The following CYP2B6 variants were observed in gnomAD, a reference collection of about 807,000 sequenced individuals.
CYP2B6 encodes the protein cytochrome P450 family 2 subfamily B member 6, also known as cytochrome P450 2B6.
A neutral mutation model predicts 43.4 loss-of-function variants in CYP2B6; 35 were observed. That is an observed-to-expected ratio of 0.81 (90% CI 0.62 to 1.07). The LOEUF (loss-of-function observed/expected upper bound fraction) is 1.07. CYP2B6 is among the 50% of genes least tolerant of loss of function. CYP2B6 has a pLI of 0.00. For missense variants in CYP2B6, 624 were observed against 632.8 expected (o/e 0.99, Z 0.15); for synonymous variants, 239 against 239.2 (o/e 1.00, Z 0.01).
chr19:41,012,659 G>A lies in CYP2B6; in HGVS notation c.1153-15G>A, dbSNP rs370464706. Reference sequence around the variant, plus strand: ...GGGAATGGCAATATCTTTTGATCTTGTGATCCTCCCTCAGGACACAGAAGT... The same window carrying A: ...GGGAATGGCAATATCTTTTGATCTTATGATCCTCCCTCAGGACACAGAAGT... On this transcript the variant is annotated splice_polypyrimidine_tract_variant and intron_variant, in intron 7 of 8. Transcript: ENST00000324071. 15 of 1,613,476 alleles carry A rather than the reference G, an allele frequency of 9.3e-6. No individual in the cohort carries two copies. The highest frequency in any genetic ancestry group is 1.2e-5 in the Non-Finnish European group (14 of 1,179,932).
intron 3 of CYP2B6, among the ~76,000 whole-genome samples, chr19:41,004,758 G>A (rs1037107372): frequency 1.3e-5 from 2 of 152,096 alleles, no homozygotes; most frequent in African/African-American, 4.8e-5. Flanking sequence ...GGAAGCTCAG[G>A]CAGGAGGATT....
rs1969248750 is a variant in CYP2B6, at chr19:41,009,740, C to CT, written c.823-254_823-253insT. Reference sequence around the variant, plus strand: ...AAAAACTCACAGAGGCAGAAAGAGACGGGGACAAAAAGAGAGAAACACATC... The same window carrying CT: ...AAAAACTCACAGAGGCAGAAAGAGACTGGGGACAAAAAGAGAGAAACACATC... On this transcript the variant is annotated intron_variant, in intron 5 of 8. Transcript: ENST00000324071. 7 of 596,052 alleles carry CT rather than the reference C, an allele frequency of 1.2e-5. No individual in the cohort carries two copies. The South Asian group carries it at 1.4e-4, about 12-fold the overall frequency. 36.9% of individuals were successfully genotyped at this position (596,052 alleles called of 1,614,324 possible).
intron 4 of CYP2B6, 35 bp downstream of exon 4, chr19:41,007,100 G>A (rs377462519): frequency 7.8e-5 from 125 of 1,607,264 alleles, no homozygotes; most frequent in Non-Finnish European, 1.0e-4. Context: ...GGGTGTGGGG[G>A]TGAGGTGAAC....
At chr19:41,007,504 C>T (rs192541945) in intron 4 of CYP2B6, 66 of 177,642 alleles carry the variant, frequency 3.7e-4, no homozygotes, top group Non-Finnish European at 6.8e-4. Context: ...TTCATTCCAG[C>T]TGGGGTGTAG....
intron 1 of CYP2B6, among the ~76,000 whole-genome samples, chr19:40,999,915 A>T (rs2144662854): frequency 6.6e-6 from 1 of 152,108 alleles, no homozygotes; most frequent in African/African-American, 2.4e-5. Flanking sequence ...GCTGGTCTCG[A>T]ACTCCTGGAC....
At chr19:40,993,184 A>G (rs946236800) in intron 1 of CYP2B6, among the ~76,000 whole-genome samples, 3 of 152,154 alleles carry the variant, frequency 2.0e-5, no homozygotes, top group Admixed American at 6.5e-5. Context: ...TTGGCCTGGT[A>G]ACATATAGTA....
chr19:40,995,352 C>T (rs1051146810), intron 1 of CYP2B6, among the ~76,000 whole-genome samples: 3 of 152,182 alleles, frequency 2.0e-5, no homozygotes, highest in African/African-American at 7.2e-5. Flanking sequence ...ATCCAAGATC[C>T]GAGACCCTGA....
At chr19:41,006,504 C>T (rs1969189489) in intron 3 of CYP2B6, among the ~76,000 whole-genome samples, 1 of 151,802 alleles carries the variant, frequency 6.6e-6, no homozygotes, top group Non-Finnish European at 1.5e-5. Flanking sequence ...CTCTGCCCAG[C>T]CCCTATCCCT....
intron 6 of CYP2B6, among the ~76,000 whole-genome samples, chr19:41,011,208 T>A (rs1568562632): frequency 6.6e-6 from 1 of 152,228 alleles, no homozygotes; most frequent in African/African-American, 2.4e-5. Context: ...AATTCACCCT[T>A]AATCCATCCG....
chr19:41,011,502 C>A (rs555376772), intron 6 of CYP2B6, among the ~76,000 whole-genome samples: 204 of 152,302 alleles, frequency 1.3e-3, no homozygotes, highest in African/African-American at 4.7e-3. Context: ...ATTCATCAAT[C>A]TTTCCATCCA....
In CYP2B6 at chr19:41,010,409, G is replaced by T. The variant is rs575164004; in HGVS notation, c.964+274G>T. ...TTGTTTGTTTGTTTTTTGTTTTTTG[G>T]TTTTTTTTTTTTTGTCTTTTTTGAG... On this transcript the variant is annotated intron_variant, in intron 6 of 8. Coordinates refer to ENST00000324071, the MANE Select transcript of CYP2B6 (RefSeq NM_000767.5). Among the ~76,000 whole-genome samples, 226 of 140,960 alleles carry T rather than the reference G, an allele frequency of 1.6e-3. 1 individual carries two copies. The highest frequency in any genetic ancestry group is 3.3e-3 in the African/African-American group (127 of 38,646). 92.5% of individuals were successfully genotyped at this position (140,960 alleles called of 152,430 possible). A position where few individuals can be genotyped will look rare whatever the true frequency, so the allele number is the denominator to read the frequency against.
chr19:41,001,555 G>A (rs1214868668), intron 1 of CYP2B6, among the ~76,000 whole-genome samples: 1 of 152,140 alleles, frequency 6.6e-6, no homozygotes, highest in Admixed American at 6.5e-5. Flanking sequence ...TCTTCCGTCA[G>A]TTAAGATCAT....
intron 1 of CYP2B6, among the ~76,000 whole-genome samples, chr19:41,000,031 C>T (rs1969059717): frequency 6.6e-6 from 1 of 152,102 alleles, no homozygotes; most frequent in Admixed American, 6.6e-5. Context: ...TCCATTTTCT[C>T]ACAGGGAGGA....
chr19:41,012,869 C>T, intron 8 of CYP2B6, 54 bp downstream of exon 8: 2 of 1,596,950 alleles, frequency 1.3e-6, no homozygotes, highest in South Asian at 1.1e-5. Flanking sequence ...GTACTATCCC[C>T]AACTTGAGAA....
chr19:40,994,305 A>G (rs1383288866), intron 1 of CYP2B6, among the ~76,000 whole-genome samples: 1 of 152,240 alleles, frequency 6.6e-6, no homozygotes, highest in Non-Finnish European at 1.5e-5. Flanking sequence ...GCAAACCTCA[A>G]GATACTCAAG....
At position 40,998,166 on chromosome 19, in the gene CYP2B6, G is replaced by T. The variant is rs143885299; in HGVS notation, c.172-5835G>T. ...TAGGAACGTGTGTATAGGTTTAAATGCTGGTCAAAGACATCCTACACAATT... is the reference window on the plus strand; with the variant it reads ...TAGGAACGTGTGTATAGGTTTAAATTCTGGTCAAAGACATCCTACACAATT... On this transcript the variant is annotated intron_variant, in intron 1 of 8. Coordinates refer to ENST00000324071, the MANE Select transcript of CYP2B6 (RefSeq NM_000767.5). Among the ~76,000 whole-genome samples the T allele has an allele frequency of 8.4e-3, 1,274 of 152,146 alleles. 22 individuals carry two copies. The highest frequency in any genetic ancestry group is 0.028 in the African/African-American group (1,160 of 41,474).
chr19:41,002,647 C>CA (rs938079922), intron 1 of CYP2B6, among the ~76,000 whole-genome samples: 2 of 152,258 alleles, frequency 1.3e-5, no homozygotes, highest in African/African-American at 4.8e-5. Flanking sequence ...TCCCCGGGCT[C>CA]AAGCAATTCT....
intron 1 of CYP2B6, among the ~76,000 whole-genome samples, chr19:41,001,049 C>A (rs549784809): frequency 1.8e-4 from 28 of 151,636 alleles, no homozygotes; most frequent in African/African-American, 6.8e-4. Flanking sequence ...CAAAAAAAAC[C>A]CAAACAGAAA....
intron 1 of CYP2B6, among the ~76,000 whole-genome samples, chr19:40,998,289 C>A (rs1969027906): frequency 6.6e-6 from 1 of 152,130 alleles, no homozygotes; most frequent in Non-Finnish European, 1.5e-5. Context: ...TTCCTTCTAG[C>A]TCTTGGTATC....
Sources: allele counts gnomAD v4.1 joint callset (sites outside exome capture counted in the v4.1 genomes callset), GRCh38; gene constraint gnomAD v4.1.1; transcripts MANE v1.5; gene names NCBI Gene and HGNC (gene_info 2026-07-23, HGNC 2026-07-21).